Variants in TACC2 observed in about 807,000 individuals in gnomAD.
TACC2 encodes the protein transforming acidic coiled-coil-containing protein 2.
Under a neutral mutation model 227.3 loss-of-function variants are expected in TACC2, and 137 were observed. The ratio of observed to expected loss-of-function variants is 0.60; its 90% CI spans 0.52 to 0.69. TACC2 has a LOEUF of 0.69. TACC2 is among the 30% of genes least tolerant of loss of function. The probability of loss-of-function intolerance (pLI) is 0.00; values close to 1 mark genes in which losing one functional copy is unlikely to be tolerated. For synonymous variants in TACC2, 1,523 were observed against 1,487.5 expected, an observed-to-expected ratio of 1.02 and a Z score of -0.55; for missense variants, 3,470 against 3,694.4, an observed-to-expected ratio of 0.94 and a Z score of 1.57.
chr10:122,055,486 A>T (rs1050881798), intron 3 of TACC2, among the ~76,000 whole-genome samples: 1 of 152,192 alleles, frequency 6.6e-6, no homozygotes, highest in Admixed American at 6.5e-5. Context: ...GCATGTTCTC[A>T]CTTATAAGGG....
rs778823058 is a variant in TACC2 at position 122,132,746 on chromosome 10, G to A, written c.5699+12G>A. 5.6e-6 allele frequency: 9 copies of A among 1,613,702 alleles called. No homozygotes were observed. The African/African-American group carries it at 1.1e-4, about 19-fold the overall frequency. Reference sequence around the variant, plus strand: ...CTGATAGCCCAGAGGTACGGTGGGGGCCCTGGAGCTGGTGATGAGACCTCA... The same window carrying A: ...CTGATAGCCCAGAGGTACGGTGGGGACCCTGGAGCTGGTGATGAGACCTCA... On this transcript the variant is annotated intron_variant, in intron 6 of 22. Coordinates refer to ENST00000369005, the MANE Select transcript of TACC2 (RefSeq NM_206862.4).
At chr10:122,236,511 G>C (rs2095859307) in intron 16 of TACC2, among the ~76,000 whole-genome samples, 1 of 152,238 alleles carries the variant, frequency 6.6e-6, no homozygotes, top group African/African-American at 2.4e-5. Flanking sequence ...GCTGGTCAGT[G>C]ATGCTGCTAA....
chr10:122,030,948 C>T (rs1958869824), intron 2 of TACC2, among the ~76,000 whole-genome samples: 1 of 152,064 alleles, frequency 6.6e-6, no homozygotes, highest in Non-Finnish European at 1.5e-5. Flanking sequence ...CTCCTGTGAT[C>T]CCCCTCTTGG....
chr10:122,185,533 A>G (rs2094155925), intron 7 of TACC2, among the ~76,000 whole-genome samples: 1 of 152,152 alleles, frequency 6.6e-6, no homozygotes, highest in African/African-American at 2.4e-5. Context: ...CCTGCCTCCA[A>G]CATTACCCTG....
chr10:122,078,528 G>A (rs994355952), intron 3 of TACC2, among the ~76,000 whole-genome samples: 2 of 152,186 alleles, frequency 1.3e-5, no homozygotes, highest in African/African-American at 4.8e-5. Context: ...GGTCTGTGAT[G>A]GAGGCTCTAG....
intron 5 of TACC2, among the ~76,000 whole-genome samples, chr10:122,107,198 C>T (rs1026059064): frequency 7.9e-5 from 12 of 152,298 alleles, no homozygotes; most frequent in African/African-American, 1.2e-4. Flanking sequence ...CATAAAACTT[C>T]GATTCAATTT....
chr10:122,237,509 G>A lies in TACC2; in HGVS notation c.8242G>A (p.Asp2748Asn). The A allele has an allele frequency of 1.9e-6, 3 of 1,613,952 alleles. No individual in the cohort carries two copies. The highest frequency in any genetic ancestry group is 2.5e-6 in the Non-Finnish European group (3 of 1,179,892). Residue 2748 changes from aspartate to asparagine, a missense_variant, in exon 17 of 23, where the codon GAC (aspartate) becomes AAC (asparagine). Coordinates refer to ENST00000369005, the MANE Select transcript of TACC2 (RefSeq NM_206862.4). ...CCTTCTGTTCCAGCAGCCCGACCTG[G>A]ACTCTGCCCTCCAGATCGCCAGAGC... ...AGLLFQQPDL[D>N]SALQIARAEI... is the part of the protein sequence containing the mutation.
At chr10:122,003,749 G>A (rs1018092316) in intron 1 of TACC2, among the ~76,000 whole-genome samples, 4 of 151,958 alleles carry the variant, frequency 2.6e-5, no homozygotes, top group East Asian at 1.9e-4. Flanking sequence ...TCTGCCTCCC[G>A]GGTTCATGCC....
At chr10:122,043,123 G>A (rs2074506196) in intron 2 of TACC2, among the ~76,000 whole-genome samples, 1 of 152,078 alleles carries the variant, frequency 6.6e-6, no homozygotes, top group South Asian at 2.1e-4. Flanking sequence ...AAGGGCACAT[G>A]GATTTGGATT....
intron 7 of TACC2, among the ~76,000 whole-genome samples, chr10:122,173,911 C>T (rs183941571): frequency 5.4e-4 from 82 of 152,340 alleles, no homozygotes; most frequent in African/African-American, 1.8e-3. Context: ...GGCTCCATGA[C>T]CTGGGGCCAG....
intron 1 of TACC2, among the ~76,000 whole-genome samples, chr10:122,020,274 T>C (rs2135505699): frequency 6.6e-6 from 1 of 151,946 alleles, no homozygotes; most frequent in South Asian, 2.1e-4. Flanking sequence ...TGATTAATTT[T>C]AAATGCATGC....
At position 122,083,064 on chromosome 10, in the gene TACC2, C is replaced by T. The variant is rs1056487135; in HGVS notation, c.564C>T (p.Phe188=). Residue 188 remains phenylalanine, a synonymous_variant, in exon 4 of 23, where the codon TTC becomes TTT. Coordinates refer to ENST00000369005, the MANE Select transcript of TACC2 (RefSeq NM_206862.4). ...QPKEEGQKSS[F]SFSSGIDQSP... ...AGGAAGAAGGACAGAAGTCCTCCTT[C>T]TCCTTCTCCAGTGGCATCGACCAGT... 3 of 1,612,682 alleles carry T rather than the reference C, an allele frequency of 1.9e-6. No homozygotes were observed. The highest frequency in any genetic ancestry group is 1.7e-5 in the Admixed American group (1 of 60,000).
chr10:122,149,392 C>G (rs1265740692), intron 7 of TACC2, among the ~76,000 whole-genome samples: 1 of 152,190 alleles, frequency 6.6e-6, no homozygotes, highest in Non-Finnish European at 1.5e-5. Flanking sequence ...CGGTGCTGGG[C>G]AGGAGGCCCA....
chr10:122,107,464 C>T (rs2082951533), intron 5 of TACC2, among the ~76,000 whole-genome samples: 1 of 152,038 alleles, frequency 6.6e-6, no homozygotes. Context: ...TGTCAGGTGC[C>T]TGTAATCCCA....
chr10:122,003,208 C>CA lies in TACC2; in HGVS notation c.-46+13730dup, dbSNP rs561349085. ...CGACAAAGCAAGACTCTGTCTCAAACAAAAAAAAAAGAATTAGGATTTTGA... is the reference window on the plus strand; with the variant it reads ...CGACAAAGCAAGACTCTGTCTCAAACAAAAAAAAAAAGAATTAGGATTTTGA... On this transcript the variant is annotated intron_variant, in intron 1 of 22. Transcript: ENST00000369005. Among the ~76,000 whole-genome samples the CA allele has an allele frequency of 2.6e-3, 376 of 146,832 alleles. 1 individual carries two copies. Among genetic ancestry groups the CA allele is most frequent in the Non-Finnish European group, 2.2e-3 (147 of 66,356 alleles).
intron 2 of TACC2, among the ~76,000 whole-genome samples, chr10:122,048,710 A>C (rs1413144110): frequency 4.6e-5 from 7 of 152,110 alleles, no homozygotes; most frequent in Non-Finnish European, 8.8e-5. Flanking sequence ...CAGGCCATGC[A>C]TTTGGCCCAG....
At chr10:122,236,100 C>G (rs1413217183) in intron 16 of TACC2, among the ~76,000 whole-genome samples, 3 of 152,168 alleles carry the variant, frequency 2.0e-5, no homozygotes, top group East Asian at 1.9e-4. Flanking sequence ...CAAGCTGTCT[C>G]CCTTCTCGGG....
At chr10:122,065,223 AG>A (rs2077255625) in intron 3 of TACC2, among the ~76,000 whole-genome samples, 2 of 152,216 alleles carry the variant, frequency 1.3e-5, no homozygotes, top group Non-Finnish European at 2.9e-5. Flanking sequence ...TTAGCTGAGA[AG>A]CTGGCATCAT....
chr10:122,229,309 A>G (rs2141408184), intron 14 of TACC2, 37 bp from the exon 15 acceptor site: 1 of 1,611,256 alleles, frequency 6.2e-7, no homozygotes, highest in Non-Finnish European at 8.5e-7. Context: ...GTTCTCCTCT[A>G]TTTTTCTTGT....
Sources: gnomAD v4.1 joint callset for allele counts (sites outside exome capture counted in the v4.1 genomes callset) on GRCh38, gnomAD v4.1.1 for gene constraint, MANE v1.5 for transcripts, NCBI Gene and HGNC (gene_info 2026-07-23, HGNC 2026-07-21) for gene names.